Variants in MAP4K5 observed in about 807,000 individuals in gnomAD.
The protein encoded by MAP4K5 is MAPK/ERK kinase kinase kinase 5.
A neutral mutation model predicts 135.6 loss-of-function variants in MAP4K5; 82 were observed. The ratio of observed to expected loss-of-function variants is 0.60; its 90% CI spans 0.51 to 0.73. The LOEUF is 0.73. Among genes scored for constraint, MAP4K5 ranks in the 30% least tolerant of loss-of-function variants. MAP4K5 has a pLI of 0.00. For synonymous variants in MAP4K5, 347 were observed against 335.0 expected (o/e 1.04, Z -0.39); for missense variants, 907 against 1,010.9 (o/e 0.90, Z 1.39).
intron 2 of MAP4K5, among the ~76,000 whole-genome samples, chr14:50,519,425 A>T (rs1346999019): frequency 6.6e-6 from 1 of 152,012 alleles, no homozygotes; most frequent in Non-Finnish European, 1.5e-5. Context: ...GAGGTCAAGA[A>T]GGGCAGATCA....
intron 31 of MAP4K5, among the ~76,000 whole-genome samples, chr14:50,424,268 T>C (rs569004581): frequency 1.3e-5 from 2 of 152,244 alleles, no homozygotes; most frequent in East Asian, 3.9e-4. Flanking sequence ...TTATACTAGT[T>C]GGAGCTGATT....
chr14:50,560,346 C>A (rs1488157011), intron 1 of MAP4K5: 3 of 1,605,756 alleles, frequency 1.9e-6, no homozygotes, highest in African/African-American at 1.3e-5. Flanking sequence ...GGTCTTCTGG[C>A]CCTCCACTTT....
intron 11 of MAP4K5, among the ~76,000 whole-genome samples, chr14:50,464,948 A>G (rs1454333623): frequency 2.0e-5 from 3 of 152,248 alleles, no homozygotes; most frequent in African/African-American, 7.2e-5. Flanking sequence ...TATAGCTAAC[A>G]GTCATTCATT....
chr14:50,443,741 G>T lies in MAP4K5; in HGVS notation c.1467C>A (p.Thr489=). Residue 489 remains threonine (T), a synonymous_variant, in exon 20 of 33, where the codon ACC becomes ACA. Transcript: ENST00000682126. ...PKPAINGLPP[T]PKVLMGACFS... ...AAATATTCCTTACCAGAACTTTTGG[G>T]GTGGGTGGAAGGCCATTGATGGCTG... is the stretch of plus-strand genomic sequence containing the variant. The T allele has an allele frequency of 6.3e-7, 1 of 1,598,026 alleles. No homozygotes were observed. Among genetic ancestry groups the T allele is most frequent in the East Asian group, 2.2e-5 (1 of 44,746 alleles).
chr14:50,492,468 C>T (rs930937577), intron 3 of MAP4K5, among the ~76,000 whole-genome samples: 1 of 151,994 alleles, frequency 6.6e-6, no homozygotes, highest in African/African-American at 2.4e-5. Flanking sequence ...CTGGCGTGTG[C>T]CTGTAGCCCC....
intron 23 of MAP4K5, among the ~76,000 whole-genome samples, chr14:50,438,558 T>TA (rs1401495987): frequency 4.6e-5 from 7 of 152,106 alleles, no homozygotes; most frequent in Admixed American, 1.3e-4. Flanking sequence ...CAATTCCATA[T>TA]AATAAAAAAT....
intron 1 of MAP4K5, among the ~76,000 whole-genome samples, chr14:50,544,950 A>G (rs929016108): frequency 2.0e-5 from 3 of 151,126 alleles, no homozygotes; most frequent in Non-Finnish European, 3.0e-5. Context: ...AAAAAAAAAA[A>G]AAAAAAAAAA....
At chr14:50,557,301 A>T (rs1248294696) in intron 1 of MAP4K5, among the ~76,000 whole-genome samples, 2 of 152,126 alleles carry the variant, frequency 1.3e-5, no homozygotes, top group Admixed American at 1.3e-4. Flanking sequence ...CCCTCTTCCC[A>T]TTCTTCCATT....
chr14:50,558,599 A>G (rs1237824162), intron 1 of MAP4K5, among the ~76,000 whole-genome samples: 1 of 152,228 alleles, frequency 6.6e-6, no homozygotes, highest in Non-Finnish European at 1.5e-5. Context: ...GTTTTTAAAA[A>G]ATTAATTTCT....
chr14:50,505,157 A>G (rs2037783269), intron 2 of MAP4K5: 1 of 236,072 alleles, frequency 4.2e-6, no homozygotes, highest in Non-Finnish European at 8.0e-6. Context: ...TTTTAATTTT[A>G]AAAATCTCAT....
intron 1 of MAP4K5, among the ~76,000 whole-genome samples, chr14:50,543,750 G>A (rs1411409958): frequency 6.6e-6 from 1 of 152,186 alleles, no homozygotes; most frequent in Admixed American, 6.5e-5. Flanking sequence ...TGAACCAAGA[G>A]GCAGAGGTAG....
chr14:50,503,955 A>T (rs906118442), intron 3 of MAP4K5, among the ~76,000 whole-genome samples: 2 of 152,028 alleles, frequency 1.3e-5, no homozygotes, highest in African/African-American at 4.8e-5. Flanking sequence ...GCACTTAATA[A>T]GAGGATCCTG....
intron 28 of MAP4K5, among the ~76,000 whole-genome samples, chr14:50,430,808 G>A (rs1386863664): frequency 6.6e-6 from 1 of 152,148 alleles, no homozygotes; most frequent in Non-Finnish European, 1.5e-5. Flanking sequence ...CCAAAATTAG[G>A]AAAAGTAGAA....
chr14:50,488,336 G>A lies in MAP4K5; in HGVS notation c.167-2142C>T, dbSNP rs574625820. Among the ~76,000 whole-genome samples, 26 of 152,284 alleles carry A rather than the reference G, an allele frequency of 1.7e-4. 1 individual carries two copies. The South Asian group carries it at 4.8e-3, about 28-fold the overall frequency. ...CCACCAGGCCTCTCCTTTGATGCCT[G>A]AGAATTACAATTCAAGATGAGATTT... On this transcript the variant is annotated intron_variant, in intron 3 of 32. Transcript: ENST00000682126.
At chr14:50,531,322 C>A (rs894435118) in intron 2 of MAP4K5, among the ~76,000 whole-genome samples, 2 of 152,152 alleles carry the variant, frequency 1.3e-5, no homozygotes, top group African/African-American at 2.4e-5. Context: ...TGTTATAAAT[C>A]CCTGAAAGGA....
chr14:50,468,501 C>A (rs756222688), intron 10 of MAP4K5, 150 bp downstream of exon 10: 6 of 715,284 alleles, frequency 8.4e-6, no homozygotes, highest in Non-Finnish European at 1.3e-5. Flanking sequence ...GACTAGCCCA[C>A]AATAGGTTTT....
Position 50,438,012 on chromosome 14 carries a change from T to A in MAP4K5, c.1709-4A>T. 6.6e-7 allele frequency: 1 copy of A among 1,506,556 alleles called. No homozygotes were observed. The highest frequency in any genetic ancestry group is 9.2e-7 in the Non-Finnish European group (1 of 1,083,916). 93.3% of individuals were successfully genotyped at this position (1,506,556 alleles called of 1,614,324 possible). A position where few individuals can be genotyped will look rare whatever the true frequency, so the allele number is the denominator to read the frequency against. On this transcript the variant is annotated splice_polypyrimidine_tract_variant and splice_region_variant and intron_variant, in intron 24 of 32. Transcript: ENST00000682126. ...GAGTAGAGCTGAAAGGTTTTTCCTA[T>A]AAAAGAAAAACATGTTACCTTTTTG...
At position 50,442,802 on chromosome 14, in the gene MAP4K5, A is replaced by G. The variant is rs2139708006; in HGVS notation, c.1494T>C (p.Phe498=). Residue 498 remains phenylalanine (F), a synonymous_variant, in exon 21 of 33, where the codon TTT becomes TTC. Coordinates refer to ENST00000682126, the MANE Select transcript of MAP4K5 (RefSeq NM_006575.6). The stretch of plus-strand genomic sequence containing the variant: ...AAGGACAGCCATCAAAAACTTTTGA[A>G]AAGCATGCTCCCATCTTATTTATAA... The part of the protein sequence containing the change: ...PTPKVLMGAC[F]SKVFDGCPLK... 7.6e-6 allele frequency: 12 copies of G among 1,589,186 alleles called. No individual in the cohort carries two copies. The East Asian group carries it at 1.1e-4, about 15-fold the overall frequency.
At chr14:50,545,291 C>T (rs1302554825) in intron 1 of MAP4K5, among the ~76,000 whole-genome samples, 1 of 152,208 alleles carries the variant, frequency 6.6e-6, no homozygotes, top group Non-Finnish European at 1.5e-5. Context: ...TCTGAACTGT[C>T]TGAGTCACGT....
Sources: gnomAD v4.1 joint callset for allele counts (sites outside exome capture counted in the v4.1 genomes callset) on GRCh38, gnomAD v4.1.1 for gene constraint, MANE v1.5 for transcripts, NCBI Gene and HGNC (gene_info 2026-07-23, HGNC 2026-07-21) for gene names.